NRXN1: variants seen among roughly 807,000 people sequenced by gnomAD.
NRXN1 encodes the protein neurexin 1.
NRXN1 carries 39 observed loss-of-function variants against 150.9 expected under a neutral mutation model. The ratio of observed to expected loss-of-function variants is 0.26; its 90% CI spans 0.20 to 0.34. NRXN1 has a LOEUF of 0.34. NRXN1 is among the 10% of genes least tolerant of loss of function. The pLI is 1.00. For synonymous variants in NRXN1, 924 were observed against 757.0 expected (o/e 1.22, Z -3.62); for missense variants, 1,815 against 1,949.9 (o/e 0.93, Z 1.30).
At chr2:50,970,919 C>T (rs1469532230) in intron 2 of NRXN1, among the ~76,000 whole-genome samples, 1 of 151,944 alleles carries the variant, frequency 6.6e-6, no homozygotes, top group Non-Finnish European at 1.5e-5. Flanking sequence ...TTAAACTTTG[C>T]TTTTATATCT....
At chr2:50,816,709 A>G (rs1267260770) in intron 5 of NRXN1, among the ~76,000 whole-genome samples, 1 of 152,088 alleles carries the variant, frequency 6.6e-6, no homozygotes, top group African/African-American at 2.4e-5. Context: ...AGACCAGAAA[A>G]GATTCTGGCC....
chr2:50,335,814 G>A (rs1236912522), intron 17 of NRXN1, among the ~76,000 whole-genome samples: 1 of 151,814 alleles, frequency 6.6e-6, no homozygotes, highest in Non-Finnish European at 1.5e-5. Flanking sequence ...TACCAAATCA[G>A]TCTAGAATGA....
chr2:50,085,052 C>A (rs1698591506), intron 19 of NRXN1, among the ~76,000 whole-genome samples: 1 of 152,194 alleles, frequency 6.6e-6, no homozygotes, highest in Admixed American at 6.5e-5. Context: ...GTTTAATTTA[C>A]TCAGCTACTG....
At chr2:50,077,921 C>T (rs947802867) in intron 19 of NRXN1, among the ~76,000 whole-genome samples, 9 of 151,920 alleles carry the variant, frequency 5.9e-5, no homozygotes, top group Non-Finnish European at 1.3e-4. Flanking sequence ...GTAAACACAG[C>T]TGCTTTTTAA....
At chr2:50,290,640 C>T (rs946539165) in intron 17 of NRXN1, among the ~76,000 whole-genome samples, 6 of 152,154 alleles carry the variant, frequency 3.9e-5, no homozygotes, top group Non-Finnish European at 7.4e-5. Context: ...GCCACTGGAA[C>T]CACACTCCCA....
intron 5 of NRXN1, among the ~76,000 whole-genome samples, chr2:50,891,764 T>A (rs1352573371): frequency 6.6e-6 from 1 of 152,080 alleles, no homozygotes; most frequent in Non-Finnish European, 1.5e-5. Flanking sequence ...TAAGCCTGGA[T>A]CAGGGTAAAC....
chr2:49,936,839 C>T (rs1005719893), intron 22 of NRXN1, among the ~76,000 whole-genome samples: 9 of 150,714 alleles, frequency 6.0e-5, no homozygotes, highest in South Asian at 2.1e-4. Flanking sequence ...CACACACACA[C>T]ACATATGAAA....
Position 50,346,617 on chromosome 2 carries a change from G to C in NRXN1, c.3365-109647C>G. 6.6e-7 allele frequency: 1 copy of C among 1,504,918 alleles called. No individual in the cohort carries two copies. Among genetic ancestry groups the C allele is most frequent in the Non-Finnish European group, 9.2e-7 (1 of 1,084,156 alleles). 93.2% of individuals were successfully genotyped at this position (1,504,918 alleles called of 1,614,324 possible). ...GCTCCCATTTCTCTGAGCCTTAGGAGCCCAGGAGCGAGTGCAGGGTAGAAA... is the reference window on the plus strand; with the variant it reads ...GCTCCCATTTCTCTGAGCCTTAGGACCCCAGGAGCGAGTGCAGGGTAGAAA... On this transcript the variant is annotated intron_variant, in intron 17 of 22. Transcript: ENST00000401669. This position sits in a 1 kb window ranked among gnomAD's most constrained non-coding sequence, Gnocchi z 5.0.
chr2:50,329,673 A>AT (rs749453098), intron 17 of NRXN1, among the ~76,000 whole-genome samples: 17 of 28,794 alleles, frequency 5.9e-4, no homozygotes, highest in South Asian at 1.9e-3. Context: ...ATATATATAT[A>AT]TTTTTTTTTT....
At chr2:50,190,613 C>CTTTTTTTTTTT (rs11427672) in intron 18 of NRXN1, among the ~76,000 whole-genome samples, 1 of 132,510 alleles carries the variant, frequency 7.5e-6, no homozygotes, top group African/African-American at 2.8e-5. Flanking sequence ...CTTTTTTTTT[C>CTTTTTTTTTTT]TTTTTTTTTT....
intron 18 of NRXN1, among the ~76,000 whole-genome samples, chr2:50,169,474 G>A (rs755844682): frequency 1.3e-5 from 2 of 152,010 alleles, no homozygotes; most frequent in Non-Finnish European, 2.9e-5. Flanking sequence ...CAGCACTTTG[G>A]GAGGCCAAGG....
rs148255682 is a variant in NRXN1, at chr2:50,309,035, A to G, written c.3365-72065T>C. 9.7e-3 allele frequency among the ~76,000 whole-genome samples: 1,485 copies of G among 152,324 alleles called. 35 individuals are homozygous for G. Among genetic ancestry groups the G allele is most frequent in the African/African-American group, 0.034 (1,422 of 41,570 alleles). ...ATTAGCTACAAATTTAGGACCTAAC[A>G]TAAAGGGATCTCTCAAGAAAATCAC... On this transcript the variant is annotated intron_variant, in intron 17 of 22. Transcript: ENST00000401669.
chr2:50,532,283 C>A (rs2093136351), intron 10 of NRXN1, among the ~76,000 whole-genome samples: 1 of 151,446 alleles, frequency 6.6e-6, no homozygotes, highest in African/African-American at 2.4e-5. Flanking sequence ...TTCTGAAAAC[C>A]TGTAGTTCTA....
intron 1 of NRXN1, among the ~76,000 whole-genome samples, chr2:51,030,030 C>G (rs1456867130): frequency 3.9e-5 from 6 of 152,124 alleles, no homozygotes; most frequent in Admixed American, 3.9e-4. Flanking sequence ...TTGAATCACT[C>G]ACTATACTAT....
intron 17 of NRXN1, among the ~76,000 whole-genome samples, chr2:50,358,350 G>A (rs1400650456): frequency 6.6e-6 from 1 of 152,228 alleles, no homozygotes; most frequent in African/African-American, 2.4e-5. Context: ...CTTGCTGCCA[G>A]CACAGCAGCC....
chr2:50,797,881 T>C (rs546076430), intron 5 of NRXN1, among the ~76,000 whole-genome samples: 1 of 152,296 alleles, frequency 6.6e-6, no homozygotes, highest in East Asian at 1.9e-4. Context: ...TCAGTGAAAA[T>C]GTCCAGAAGT....
At chr2:50,536,915 G>GAATGAATAT (rs1336350911) in intron 10 of NRXN1, among the ~76,000 whole-genome samples, 1 of 152,116 alleles carries the variant, frequency 6.6e-6, no homozygotes, top group East Asian at 1.9e-4. Context: ...ATCATAAAGA[G>GAATGAATAT]AATGAATATA....
intron 18 of NRXN1, among the ~76,000 whole-genome samples, chr2:50,189,650 T>C (rs1382241944): frequency 2.0e-5 from 3 of 152,098 alleles, no homozygotes; most frequent in Admixed American, 6.6e-5. Flanking sequence ...CCTTCTAGAA[T>C]GAGTCATCTC....
At chr2:50,259,354 G>A (rs2068025247) in intron 17 of NRXN1, among the ~76,000 whole-genome samples, 3 of 151,844 alleles carry the variant, frequency 2.0e-5, no homozygotes, top group African/African-American at 7.3e-5. Flanking sequence ...TAGAAGATGT[G>A]CCATTCACTC....
Sources: gnomAD v4.1 joint callset for allele counts (sites outside exome capture counted in the v4.1 genomes callset) on GRCh38, gnomAD v4.1.1 for gene constraint, Gnocchi (gnomAD v3.1) non-coding constraint, MANE v1.5 for transcripts, NCBI Gene and HGNC (gene_info 2026-07-23, HGNC 2026-07-21) for gene names.